Variants in ATRX observed in about 807,000 individuals in gnomAD.
The protein encoded by ATRX is chromatin remodeler ATRX.
ATRX carries 12 observed loss-of-function variants against 172.6 expected under a neutral mutation model. The observed-to-expected ratio is 0.07, with a 90% CI of 0.04 to 0.11. The LOEUF is 0.11. ATRX is among the 10% of genes least tolerant of loss of function. The pLI is 1.00. For missense variants in ATRX, 1,368 were observed against 1,767.4 expected, an observed-to-expected ratio of 0.77 and a Z score of 4.05; for synonymous variants, 674 against 594.7, an observed-to-expected ratio of 1.13 and a Z score of -1.94.
intron 6 of ATRX, among the ~76,000 whole-genome samples, chrX:77,691,753 T>C (rs782703256): frequency 1.8e-5 from 2 of 111,779 alleles, no homozygotes; most frequent in South Asian, 7.3e-4. Context: ...CCAGCTTTCT[T>C]AAAAAGTTTA....
chrX:77,600,882 T>A (rs2066648254), intron 22 of ATRX: 1 of 200,178 alleles, frequency 5.0e-6, no homozygotes, highest in African/African-American at 3.0e-5. Context: ...CATAAATGAT[T>A]TTGAGGTATC....
At chrX:77,522,536 C>T (rs879973406) in intron 31 of ATRX, 148 bp from the exon 32 acceptor site, 38 of 646,138 alleles carry the variant, frequency 5.9e-5, no homozygotes, top group Middle Eastern at 5.1e-4. Flanking sequence ...CCTTTTCACC[C>T]GAAACCAAGA....
chrX:77,586,670 C>G (rs1569527028), intron 27 of ATRX, among the ~76,000 whole-genome samples: 1 of 112,107 alleles, frequency 8.9e-6, no homozygotes, highest in Non-Finnish European at 1.9e-5. Context: ...TAAAAAAGAT[C>G]ATACCTGTTG....
At chrX:77,602,165 T>C (rs1436811330) in intron 22 of ATRX, among the ~76,000 whole-genome samples, 3 of 111,393 alleles carry the variant, frequency 2.7e-5, no homozygotes, top group Non-Finnish European at 5.7e-5. Flanking sequence ...CCACCAGGTT[T>C]GGCTAATTCT....
intron 17 of ATRX, 138 bp downstream of exon 17, chrX:77,634,456 C>A: frequency 2.0e-6 from 1 of 505,563 alleles, no homozygotes; most frequent in Admixed American, 3.5e-5. Flanking sequence ...AGAATATAAG[C>A]TCCTTGGAGA....
At chrX:77,753,830 G>A (rs1327479320) in intron 1 of ATRX, among the ~76,000 whole-genome samples, 1 of 111,795 alleles carries the variant, frequency 8.9e-6, no homozygotes, top group East Asian at 2.8e-4. Context: ...CTGTGGTAGA[G>A]AGTTCTGTAG....
chrX:77,753,984 T>C (rs1411382835), intron 1 of ATRX, among the ~76,000 whole-genome samples: 3 of 111,869 alleles, frequency 2.7e-5, no homozygotes, highest in Admixed American at 9.5e-5. Flanking sequence ...AGTCTCTTTG[T>C]AGGTCTCTAA....
chrX:77,573,339 C>T (rs1348198407), intron 28 of ATRX, among the ~76,000 whole-genome samples: 2 of 111,780 alleles, frequency 1.8e-5, no homozygotes, highest in African/African-American at 6.5e-5. Flanking sequence ...ATGTACAGTA[C>T]ACTCTATGAT....
At chrX:77,552,262 C>A (rs782765220) in intron 30 of ATRX, among the ~76,000 whole-genome samples, 1 of 110,440 alleles carries the variant, frequency 9.1e-6, no homozygotes, top group African/African-American at 3.3e-5. Context: ...CACATATACA[C>A]CATGGAATAC....
intron 27 of ATRX, among the ~76,000 whole-genome samples, chrX:77,582,256 T>C (rs1264537901): frequency 9.1e-6 from 1 of 109,385 alleles, no homozygotes; most frequent in African/African-American, 3.3e-5. Flanking sequence ...AAAAATTAGC[T>C]GGGCATGGTG....
intron 30 of ATRX, among the ~76,000 whole-genome samples, chrX:77,546,605 A>G: frequency 9.0e-6 from 1 of 110,643 alleles, no homozygotes. Context: ...GATCCTCCCA[A>G]CTCAGTCTCC....
intron 1 of ATRX, among the ~76,000 whole-genome samples, chrX:77,777,242 G>A (rs1004389840): frequency 1.5e-4 from 15 of 99,633 alleles, no homozygotes; most frequent in Admixed American, 6.8e-4. Context: ...TCAGCCAGGC[G>A]TGGTGGCAAA....
chrX:77,579,878 A>T (rs868958739), intron 27 of ATRX, among the ~76,000 whole-genome samples: 12 of 112,518 alleles, frequency 1.1e-4, no homozygotes, highest in South Asian at 7.3e-4. Flanking sequence ...AGAGAACACA[A>T]AATAGCTGAT....
chrX:77,637,939 C>CAAAAA (rs373944111), intron 15 of ATRX, among the ~76,000 whole-genome samples: 60 of 42,768 alleles, frequency 1.4e-3, no homozygotes, highest in Admixed American at 2.5e-3. Context: ...AGCTCCATCT[C>CAAAAA]AAAAAAAAAA....
intron 1 of ATRX, among the ~76,000 whole-genome samples, chrX:77,774,097 C>G (rs1449565970): frequency 3.6e-5 from 4 of 110,376 alleles, no homozygotes; most frequent in African/African-American, 1.3e-4. Flanking sequence ...TGGGGCATGT[C>G]TGTAGTCCCA....
rs782159825 is a variant in ATRX, at chrX:77,761,207, GA to G, written c.20+24774del. Among the ~76,000 whole-genome samples the G allele has an allele frequency of 2.7e-5, 3 of 111,351 alleles. No individual in the cohort carries two copies. In the South Asian group the frequency reaches 1.1e-3, roughly 42 times the overall value. ...TGGCCCTGAGAGTAATTGTTAAATGGAAAATTTTTAAAGGCATTCTTCTTTT... is the reference window on the plus strand; with the variant it reads ...TGGCCCTGAGAGTAATTGTTAAATGGAAATTTTTAAAGGCATTCTTCTTTT... On this transcript the variant is annotated intron_variant, in intron 1 of 34. Transcript: ENST00000373344.
chrX:77,620,631 C>A, intron 19 of ATRX, 99 bp from the exon 20 acceptor site: 2 of 817,092 alleles, frequency 2.4e-6, no homozygotes, highest in Non-Finnish European at 3.5e-6. Context: ...AAGTGCTGAT[C>A]TTACAGGAAG....
At chrX:77,581,523 A>AAT (rs2148049618) in intron 27 of ATRX, among the ~76,000 whole-genome samples, 1 of 111,935 alleles carries the variant, frequency 8.9e-6, no homozygotes, top group South Asian at 3.7e-4. Flanking sequence ...AACAATTTAA[A>AAT]ATATATATGC....
At chrX:77,593,945 G>T in intron 25 of ATRX, 96 bp from the exon 26 acceptor site, 1 of 830,437 alleles carries the variant, frequency 1.2e-6, no homozygotes, top group Non-Finnish European at 1.8e-6. Flanking sequence ...GGGAGAGTAA[G>T]AAAGAAACTG....
Sources: allele counts gnomAD v4.1 joint callset (sites outside exome capture counted in the v4.1 genomes callset), GRCh38; gene constraint gnomAD v4.1.1; transcripts MANE v1.5; gene names NCBI Gene and HGNC (gene_info 2026-07-23, HGNC 2026-07-21).